The following UBIAD1 variants were observed in gnomAD, a reference collection of about 807,000 sequenced individuals.
UBIAD1 encodes ubiA prenyltransferase domain-containing protein 1.
A neutral mutation model predicts 20.1 loss-of-function variants in UBIAD1; 12 were observed. That is an observed-to-expected ratio of 0.60 (90% CI 0.38 to 0.97). The LOEUF is 0.97. Among genes scored for constraint, UBIAD1 ranks in the 50% least tolerant of loss-of-function variants. The probability of loss-of-function intolerance (pLI) is 0.00; values close to 1 mark genes in which losing one functional copy is unlikely to be tolerated. For missense variants in UBIAD1, 333 were observed against 419.5 expected, an observed-to-expected ratio of 0.79 and a Z score of 1.80; for synonymous variants, 207 against 189.2, an observed-to-expected ratio of 1.09 and a Z score of -0.77.
intron 1 of UBIAD1, among the ~76,000 whole-genome samples, chr1:11,274,567 G>A (rs1429290908): frequency 2.0e-5 from 3 of 151,674 alleles, no homozygotes; most frequent in African/African-American, 4.8e-5. Context: ...AAAGTTCTAA[G>A]ATTACAGGCG....
rs763663167 is a variant in UBIAD1, at chr1:11,273,953, TG to T, written c.425del (p.Gly142AlafsTer14). ...CGGTTCGGAGTCTTCCTCTACACGT[TG>T]GGCTGCGTCTGTGCCGCTTGCCTCT... ...VVRFGVFLYT[L>X]GCVCAACLYY... On this transcript the variant is annotated frameshift_variant, in exon 1 of 2. Transcript: ENST00000376810. LOFTEE classifies it high-confidence loss of function. This position sits in a 1 kb window ranked among gnomAD's most constrained non-coding sequence, Gnocchi z 4.9. 1 of 1,614,238 alleles carries T rather than the reference TG, an allele frequency of 6.2e-7. No individual in the cohort carries two copies. Among genetic ancestry groups the T allele is most frequent in the South Asian group, 1.1e-5 (1 of 91,086 alleles).
rs1638257798 is a variant in UBIAD1, at chr1:11,286,048, A to G, written c.934A>G (p.Thr312Ala). Reference sequence around the variant, plus strand: ...GGCCTTCAACAAACTGCCCCAGAGGACTGCCAAGCTCAACCTCCTGCTGGG... The same window carrying G: ...GGCCTTCAACAAACTGCCCCAGAGGGCTGCCAAGCTCAACCTCCTGCTGGG... ...SQAFNKLPQRTAKLNLLLGLF... is the reference protein window; with the variant it reads ...SQAFNKLPQRAAKLNLLLGLF... The change falls in exon 2 of 2, where the codon ACT (threonine) becomes GCT (alanine). Residue 312 changes from threonine (T) to alanine (A), a missense_variant. By Grantham distance (58) the Thr-to-Ala change is moderately conservative. Around this residue, in one of 3 missense-constraint regions of UBIAD1, gnomAD observed 226 missense variants for 263.5 expected, o/e 0.86. Coordinates refer to ENST00000376810, the MANE Select transcript of UBIAD1 (RefSeq NM_013319.3). 1 of 1,614,018 alleles carries G rather than the reference A, an allele frequency of 6.2e-7. No individual in the cohort carries two copies. Among genetic ancestry groups the G allele is most frequent in the Non-Finnish European group, 8.5e-7 (1 of 1,179,996 alleles).
Position 11,273,222 on chromosome 1 carries a change from C to T in UBIAD1, c.-310C>T, listed in dbSNP as rs1471509365. 3 of 373,054 alleles carry T rather than the reference C, an allele frequency of 8.0e-6. No individual in the cohort carries two copies. The East Asian group carries it at 1.9e-4, about 24-fold the overall frequency. The allele number at this position is 373,054 out of a possible 1,614,324, so 23.1% of individuals were successfully genotyped here. ...TGTTTCCGGGCGGGCCTCCAGAGGC[C>T]GGCGCACAAGATGGCGGCTCTGGCG... is the stretch of plus-strand genomic sequence containing the variant. On this transcript the variant is annotated 5_prime_UTR_variant, in exon 1 of 2. Coordinates refer to ENST00000376810, the MANE Select transcript of UBIAD1 (RefSeq NM_013319.3). This position sits in a 1 kb window ranked among gnomAD's most constrained non-coding sequence, Gnocchi z 4.9.
downstream of UBIAD1, among the ~76,000 whole-genome samples, chr1:11,290,670 TC>T (rs1638353170): frequency 6.6e-6 from 1 of 152,170 alleles, no homozygotes; most frequent in Non-Finnish European, 1.5e-5. Flanking sequence ...TACTAACGCT[TC>T]CGTTACTCCT....
At chr1:11,296,104 C>A (rs1226789631), downstream of UBIAD1, 1 of 152,188 alleles carries the variant, frequency 6.6e-6, no homozygotes, top group African/African-American at 2.4e-5. Context: ...CAGGTGGCTG[C>A]AAGACCAGTC....
chr1:11,291,164 TCTC>T (rs1410283487), downstream of UBIAD1, among the ~76,000 whole-genome samples: 12 of 152,340 alleles, frequency 7.9e-5, no homozygotes, highest in Middle Eastern at 6.8e-3. Context: ...CTGTCATTCT[TCTC>T]ATGCTGGGCT....
At chr1:11,279,862 G>C (rs935845821) in intron 1 of UBIAD1, among the ~76,000 whole-genome samples, 2 of 152,184 alleles carry the variant, frequency 1.3e-5, no homozygotes, top group Non-Finnish European at 2.9e-5. Context: ...GGTCATCAAG[G>C]GGGAGGGAGT....
At chr1:11,293,224 C>T (rs1240651662), downstream of UBIAD1, among the ~76,000 whole-genome samples, 1 of 152,096 alleles carries the variant, frequency 6.6e-6, no homozygotes, top group African/African-American at 2.4e-5. Flanking sequence ...AGGGGCAGGG[C>T]TCTGTGTGGT....
chr1:11,285,642 A>C lies in UBIAD1; in HGVS notation c.530-2A>C. 1.9e-6 allele frequency: 3 copies of C among 1,614,146 alleles called. No homozygotes were observed. The highest frequency in any genetic ancestry group is 2.5e-6 in the Non-Finnish European group (3 of 1,180,034). ...CCAACTCTCTGGATTTTCTGGCCGC[A>C]GGAATTGGATTCAAGTACGTGGCTC... is the stretch of plus-strand genomic sequence containing the variant. On this transcript the variant is annotated splice_acceptor_variant, in intron 1 of 1. Coordinates refer to ENST00000376810, the MANE Select transcript of UBIAD1 (RefSeq NM_013319.3). LOFTEE classifies it high-confidence loss of function. The surrounding 1 kb of genome is among the most constrained non-coding windows in gnomAD (Gnocchi z 4.4).
chr1:11,298,990 G>A (rs1201223822), downstream of UBIAD1, among the ~76,000 whole-genome samples: 1 of 152,340 alleles, frequency 6.6e-6, no homozygotes, highest in East Asian at 1.9e-4. This position sits in a 1 kb window ranked among gnomAD's most constrained non-coding sequence, Gnocchi z 4.0. Flanking sequence ...AGGGGATGGT[G>A]AGGAGCGAAG....
At chr1:11,289,538 A>C (rs1224083837), downstream of UBIAD1, among the ~76,000 whole-genome samples, 2 of 151,974 alleles carry the variant, frequency 1.3e-5, no homozygotes, top group East Asian at 3.9e-4. Context: ...CAGTGACTGG[A>C]ATCTGACATC....
At chr1:11,289,920 AG>A, downstream of UBIAD1, among the ~76,000 whole-genome samples, 1 of 151,940 alleles carries the variant, frequency 6.6e-6, no homozygotes, top group Non-Finnish European at 1.5e-5. Flanking sequence ...TTAGTAGAGA[AG>A]GGGTTTCACC....
At position 11,285,737 on chromosome 1, in the gene UBIAD1, G is replaced by T. The variant is rs1638250939; in HGVS notation, c.623G>T (p.Gly208Val). 2 of 1,614,090 alleles carry T rather than the reference G, an allele frequency of 1.2e-6. No homozygotes were observed. Among genetic ancestry groups the T allele is most frequent in the South Asian group, 1.1e-5 (1 of 91,068 alleles). ...AVMFAYAIQV[G>V]SLAIFPLVYA... ...ATGTTCGCCTACGCCATCCAGGTGGGGTCCCTGGCCATCTTCCCACTGGTC... is the reference window on the plus strand; with the variant it reads ...ATGTTCGCCTACGCCATCCAGGTGGTGTCCCTGGCCATCTTCCCACTGGTC... Residue 208 changes from glycine (G) to valine (V), a missense_variant, in exon 2 of 2, where the codon GGG becomes GTG. This residue lies in a region of UBIAD1 where 226 missense variants were observed against 263.5 expected (regional missense o/e 0.86). Transcript: ENST00000376810. This position sits in a 1 kb window ranked among gnomAD's most constrained non-coding sequence, Gnocchi z 4.4.
intron 1 of UBIAD1, among the ~76,000 whole-genome samples, chr1:11,294,066 G>A (rs1218134944): frequency 6.6e-6 from 1 of 152,206 alleles, no homozygotes; most frequent in Non-Finnish European, 1.5e-5. Context: ...ACTGGCCGAG[G>A]GAATGGCAGT....
chr1:11,276,796 T>G (rs1008607573), intron 1 of UBIAD1, among the ~76,000 whole-genome samples: 13 of 151,636 alleles, frequency 8.6e-5, no homozygotes, highest in Non-Finnish European at 1.9e-4. Flanking sequence ...ATATTTACCA[T>G]GTCTGTTACG....
chr1:11,288,438 A>G (rs538289096), downstream of UBIAD1: 2 of 152,262 alleles, frequency 1.3e-5, no homozygotes, highest in African/African-American at 4.8e-5. Flanking sequence ...ATGTTCACCA[A>G]TGGTCTGGCT....
At position 11,285,498 on chromosome 1, in the gene UBIAD1, G is replaced by A. The variant is rs1369666647; in HGVS notation, c.530-146G>A. The A allele has an allele frequency of 2.4e-6, 3 of 1,235,478 alleles. No homozygotes were observed. Among genetic ancestry groups the A allele is most frequent in the Non-Finnish European group, 3.4e-6 (3 of 870,364 alleles). The allele number at this position is 1,235,478 out of a possible 1,614,324, so 76.5% of individuals were successfully genotyped here. A position where few individuals can be genotyped will look rare whatever the true frequency, so the allele number is the denominator to read the frequency against. On this transcript the variant is annotated intron_variant, in intron 1 of 1. Transcript: ENST00000376810. The surrounding 1 kb of genome is among the most constrained non-coding windows in gnomAD (Gnocchi z 4.4). ...GAGAAGAAATCAGAATTTGCTCTGTGGGGTTAAGGGATGAAATGAGTGCCC... is the reference window on the plus strand; with the variant it reads ...GAGAAGAAATCAGAATTTGCTCTGTAGGGTTAAGGGATGAAATGAGTGCCC...
chr1:11,280,824 C>A (rs532155268), intron 1 of UBIAD1, among the ~76,000 whole-genome samples: 5 of 152,130 alleles, frequency 3.3e-5, no homozygotes, highest in Non-Finnish European at 7.4e-5. Flanking sequence ...CTGTTCTGGT[C>A]CCATTCAGGC....
intron 1 of UBIAD1, among the ~76,000 whole-genome samples, chr1:11,275,138 C>T (rs867130753): frequency 6.6e-6 from 1 of 152,176 alleles, no homozygotes. Flanking sequence ...TCTGTGTGAA[C>T]ACAGCAGTCA....
Sources: allele counts gnomAD v4.1 joint callset (sites outside exome capture counted in the v4.1 genomes callset), GRCh38; gene constraint gnomAD v4.1.1; regional missense constraint gnomAD v4.1.1; non-coding constraint Gnocchi (gnomAD v3.1); transcripts MANE v1.5; gene names NCBI Gene and HGNC (gene_info 2026-07-23, HGNC 2026-07-21).